The following SPATA6L variants were observed in gnomAD, a reference collection of about 807,000 sequenced individuals.
The protein encoded by SPATA6L is spermatogenesis associated 6 like, also known as spermatogenesis associated 6-like protein.
Under a neutral mutation model 49.2 loss-of-function variants are expected in SPATA6L, and 68 were observed. That is an observed-to-expected ratio of 1.38 (90% CI 1.14 to 1.69). SPATA6L has a LOEUF of 1.69. Among genes scored for constraint, SPATA6L ranks in the 40% most tolerant of loss-of-function variants. SPATA6L has a pLI of 0.00. For synonymous variants in SPATA6L, 198 were observed against 165.7 expected, an observed-to-expected ratio of 1.19 and a Z score of -1.50; for missense variants, 668 against 464.3, an observed-to-expected ratio of 1.44 and a Z score of -4.03.
rs775840242 is a variant in SPATA6L at position 4,635,344 on chromosome 9, C to T, written c.282G>A (p.Glu94=). Residue 94 remains glutamate, a synonymous_variant, in exon 4 of 12, where the codon GAG becomes GAA. Transcript: ENST00000682582. ...EENTRDFLFP[E]PKLTPSHPRR... ...TAGGGTGCGAAGGTGTCAGCTTGGG[C>T]TCTGGGAAAAGAAAATCTCGTGTGT... 2 of 1,589,988 alleles carry T rather than the reference C, an allele frequency of 1.3e-6. No individual in the cohort carries two copies. Among genetic ancestry groups the T allele is most frequent in the Non-Finnish European group, 1.7e-6 (2 of 1,171,508 alleles).
intron 4 of SPATA6L, chr9:4,633,498 T>C (rs1382522803): frequency 6.2e-6 from 1 of 162,282 alleles, no homozygotes. Flanking sequence ...GCCAATATAT[T>C]GTAATAAAGC....
At chr9:4,647,867 C>T (rs1371244863) in intron 3 of SPATA6L, among the ~76,000 whole-genome samples, 1 of 150,520 alleles carries the variant, frequency 6.6e-6, no homozygotes, top group Non-Finnish European at 1.5e-5. Context: ...CAGGGCCTCA[C>T]TCTGTCACCC....
intron 3 of SPATA6L, among the ~76,000 whole-genome samples, chr9:4,652,516 T>C (rs909427632): frequency 6.6e-6 from 1 of 152,040 alleles, no homozygotes; most frequent in Non-Finnish European, 1.5e-5. Flanking sequence ...AACCAAAAAA[T>C]GCAACACTTG....
chr9:4,602,289 T>C (rs1250786184), intron 11 of SPATA6L, among the ~76,000 whole-genome samples: 1 of 152,196 alleles, frequency 6.6e-6, no homozygotes, highest in Non-Finnish European at 1.5e-5. Context: ...ATGTTCCGTA[T>C]AACCACCTAA....
intron 3 of SPATA6L, among the ~76,000 whole-genome samples, chr9:4,649,351 T>C (rs1453280583): frequency 6.6e-6 from 1 of 152,234 alleles, no homozygotes; most frequent in Non-Finnish European, 1.5e-5. Flanking sequence ...ATCGGCAGTG[T>C]AGAAGTATTA....
At position 4,637,693 on chromosome 9, in the gene SPATA6L, T is replaced by A. The variant is rs1453569516; in HGVS notation, c.227-2294A>T. 2.0e-5 allele frequency among the ~76,000 whole-genome samples: 3 copies of A among 151,776 alleles called. No homozygotes were observed. In the East Asian group the frequency reaches 5.9e-4, roughly 30 times the overall value. Reference sequence around the variant, plus strand: ...TTCAATGATGTTCTGAGATGAGTGGTGAAGTGCAGCATCCTGGATGCTGCC... The same window carrying A: ...TTCAATGATGTTCTGAGATGAGTGGAGAAGTGCAGCATCCTGGATGCTGCC... On this transcript the variant is annotated intron_variant, in intron 3 of 11. Transcript: ENST00000682582.
At chr9:4,630,734 T>G (rs368948127) in intron 4 of SPATA6L, among the ~76,000 whole-genome samples, 1 of 152,232 alleles carries the variant, frequency 6.6e-6, no homozygotes, top group African/African-American at 2.4e-5. Context: ...AGCCAACACC[T>G]ACTGCATGCT....
At chr9:4,597,166 T>C (rs182359561), downstream of SPATA6L, among the ~76,000 whole-genome samples, 2 of 152,202 alleles carry the variant, frequency 1.3e-5, no homozygotes, top group African/African-American at 4.8e-5. Flanking sequence ...TAAATCCAGG[T>C]ACTCGGAGGG....
In SPATA6L at chr9:4,598,925, T is replaced by C. The variant is rs1822599105; in HGVS notation, c.*1886A>G. Among the ~76,000 whole-genome samples the C allele has an allele frequency of 1.3e-5, 2 of 152,238 alleles. No homozygotes were observed. The highest frequency in any genetic ancestry group is 4.1e-4 in the South Asian group (2 of 4,834). ...AATGCTGGTTGTGATACAGGTTGAG[T>C]CTCCCTTATCTTCAGTGCTTGGGAC... On this transcript the variant is annotated 3_prime_UTR_variant, in exon 12 of 12. Transcript: ENST00000682582.
chr9:4,662,833 G>GC lies in SPATA6L; in HGVS notation c.40-798dup. 5 of 1,605,228 alleles carry GC rather than the reference G, an allele frequency of 3.1e-6. No individual in the cohort carries two copies. The highest frequency in any genetic ancestry group is 4.2e-6 in the Non-Finnish European group (5 of 1,179,962). ...CCCTGGCTGCTGGGCACCCTCTACT[G>GC]CCTGTGCAGGAGCGACAGCTGGGCC... is the stretch of plus-strand genomic sequence containing the variant. On this transcript the variant is annotated intron_variant, in intron 1 of 11. Transcript: ENST00000682582. This position sits in a 1 kb window ranked among gnomAD's most constrained non-coding sequence, Gnocchi z 4.9.
At chr9:4,644,609 G>A (rs1834873605) in intron 3 of SPATA6L, among the ~76,000 whole-genome samples, 1 of 151,484 alleles carries the variant, frequency 6.6e-6, no homozygotes, top group African/African-American at 2.4e-5. Flanking sequence ...AAAAAAAGCA[G>A]AAATGCGTAA....
chr9:4,629,769 G>GTGTGTGTGTGTATATATATATATATATA (rs1311805859), intron 4 of SPATA6L, among the ~76,000 whole-genome samples: 2 of 101,934 alleles, frequency 2.0e-5, no homozygotes, highest in African/African-American at 5.0e-5. Flanking sequence ...GTGTGTGTGT[G>GTGTGTGTGTGTATATATATATATATATA]TATATATATA....
At chr9:4,648,842 CT>C (rs1836116136) in intron 3 of SPATA6L, among the ~76,000 whole-genome samples, 1 of 152,132 alleles carries the variant, frequency 6.6e-6, no homozygotes, top group South Asian at 2.1e-4. Flanking sequence ...CCCTTTCCCC[CT>C]GAGTCCCCAA....
At chr9:4,641,454 T>C (rs547759418) in intron 3 of SPATA6L, among the ~76,000 whole-genome samples, 1 of 152,184 alleles carries the variant, frequency 6.6e-6, no homozygotes, top group Non-Finnish European at 1.5e-5. Flanking sequence ...CCTATGCACA[T>C]CCTCCTGTAT....
intron 4 of SPATA6L, among the ~76,000 whole-genome samples, chr9:4,632,422 C>G (rs1387667997): frequency 6.6e-6 from 1 of 151,802 alleles, no homozygotes; most frequent in African/African-American, 2.4e-5. Context: ...ATGAGGAAAC[C>G]TCGTCTCTAC....
chr9:4,645,391 T>C (rs77547633), intron 3 of SPATA6L, among the ~76,000 whole-genome samples: 6,359 of 152,266 alleles, frequency 0.042, 278 homozygotes, highest in African/African-American at 0.09. Flanking sequence ...TTTCTTACAG[T>C]TATGGAGGCT....
At chr9:4,656,871 A>G (rs567640831) in intron 2 of SPATA6L, among the ~76,000 whole-genome samples, 1 of 152,248 alleles carries the variant, frequency 6.6e-6, no homozygotes, top group Non-Finnish European at 1.5e-5. Flanking sequence ...TGGTTGTGCT[A>G]AAAAGGAACA....
intron 3 of SPATA6L, among the ~76,000 whole-genome samples, chr9:4,648,573 G>A (rs446217): frequency 0.62 from 92,811 of 150,552 alleles, 30,141 homozygotes; most frequent in African/African-American, 0.84. Context: ...GGTGGCGGGA[G>A]CCTGTGGTCC....
At chr9:4,591,202 G>A (rs1586889454) in intron 13 of SPATA6L, among the ~76,000 whole-genome samples, 1 of 152,206 alleles carries the variant, frequency 6.6e-6, no homozygotes, top group African/African-American at 2.4e-5. Flanking sequence ...GTATGAGCAT[G>A]CCTTCACAAA....
Sources: allele counts gnomAD v4.1 joint callset (sites outside exome capture counted in the v4.1 genomes callset), GRCh38; gene constraint gnomAD v4.1.1; non-coding constraint Gnocchi (gnomAD v3.1); transcripts MANE v1.5; gene names NCBI Gene and HGNC (gene_info 2026-07-23, HGNC 2026-07-21).